GALNTL6: variants seen among roughly 807,000 people sequenced by gnomAD.
GALNTL6 encodes polypeptide N-acetylgalactosaminyltransferase-like 6.
Under a neutral mutation model 73.7 loss-of-function variants are expected in GALNTL6, and 46 were observed. The observed-to-expected ratio is 0.62, with a 90% CI of 0.49 to 0.80. The LOEUF (loss-of-function observed/expected upper bound fraction) is 0.80. Among genes scored for constraint, GALNTL6 ranks in the 30% least tolerant of loss-of-function variants. The pLI is 0.00. For missense variants in GALNTL6, 604 were observed against 755.0 expected, an observed-to-expected ratio of 0.80 and a Z score of 2.34; for synonymous variants, 259 against 263.7, an observed-to-expected ratio of 0.98 and a Z score of 0.17.
chr4:172,722,219 A>G (rs1307181967), intron 5 of GALNTL6, among the ~76,000 whole-genome samples: 3 of 152,172 alleles, frequency 2.0e-5, no homozygotes, highest in Admixed American at 2.0e-4. Flanking sequence ...GTATCCTCAC[A>G]ATACTCTAGC....
At chr4:172,443,603 G>A (rs754436134) in intron 5 of GALNTL6, among the ~76,000 whole-genome samples, 1 of 151,974 alleles carries the variant, frequency 6.6e-6, no homozygotes, top group Non-Finnish European at 1.5e-5. Flanking sequence ...TTATATGTGA[G>A]AGATATGACT....
chr4:172,653,942 G>T (rs1015501916), intron 5 of GALNTL6, among the ~76,000 whole-genome samples: 3 of 152,218 alleles, frequency 2.0e-5, no homozygotes, highest in South Asian at 2.1e-4. Context: ...AACTGTCCTG[G>T]TATTATCTTA....
intron 2 of GALNTL6, among the ~76,000 whole-genome samples, chr4:172,125,193 T>C (rs1383896269): frequency 6.6e-6 from 1 of 152,082 alleles, no homozygotes; most frequent in Non-Finnish European, 1.5e-5. Flanking sequence ...ACTTCTGAGA[T>C]AGAAACTTGA....
intron 5 of GALNTL6, among the ~76,000 whole-genome samples, chr4:172,711,424 A>G (rs777795330): frequency 1.3e-5 from 2 of 152,134 alleles, no homozygotes; most frequent in Non-Finnish European, 2.9e-5. Flanking sequence ...TCTGAGTAAA[A>G]TAGGAAAAGA....
At chr4:172,364,197 A>G (rs1742476834) in intron 5 of GALNTL6, among the ~76,000 whole-genome samples, 1 of 152,170 alleles carries the variant, frequency 6.6e-6, no homozygotes, top group South Asian at 2.1e-4. Flanking sequence ...CAAAGGCAGG[A>G]GGATTTTTTG....
chr4:172,433,193 A>T (rs1207801947), intron 5 of GALNTL6, among the ~76,000 whole-genome samples: 1 of 152,114 alleles, frequency 6.6e-6, no homozygotes, highest in Non-Finnish European at 1.5e-5. Context: ...TGGCTTTTCT[A>T]GACTATTTTG....
intron 5 of GALNTL6, among the ~76,000 whole-genome samples, chr4:172,418,016 A>G (rs56176818): frequency 0.028 from 4,238 of 152,198 alleles, 191 homozygotes; most frequent in African/African-American, 0.095. Flanking sequence ...TCACCCCACT[A>G]AGCGTCATTA....
chr4:172,303,263 G>T (rs191602110), intron 3 of GALNTL6, among the ~76,000 whole-genome samples: 70 of 152,224 alleles, frequency 4.6e-4, no homozygotes, highest in African/African-American at 1.6e-3. Context: ...CTCCCAAAGT[G>T]CTGGGATTAC....
chr4:172,425,172 TA>T (rs1200608349), intron 5 of GALNTL6: 1 of 152,110 alleles, frequency 6.6e-6, no homozygotes, highest in African/African-American at 2.4e-5. Context: ...TCTTTTCTAA[TA>T]ATATATGTGA....
intron 2 of GALNTL6, among the ~76,000 whole-genome samples, chr4:171,984,685 G>A (rs1262836066): frequency 6.6e-6 from 1 of 152,180 alleles, no homozygotes; most frequent in Non-Finnish European, 1.5e-5. Context: ...AGCTAAGTAG[G>A]AAGCAGGGGA....
At chr4:173,036,504 A>G (rs1177803671) in intron 12 of GALNTL6, among the ~76,000 whole-genome samples, 1 of 152,214 alleles carries the variant, frequency 6.6e-6, no homozygotes, top group Non-Finnish European at 1.5e-5. Context: ...GGACCGATCG[A>G]CTGGCATTGA....
intron 3 of GALNTL6, among the ~76,000 whole-genome samples, chr4:172,309,159 G>T (rs1740262429): frequency 6.6e-6 from 1 of 151,944 alleles, no homozygotes; most frequent in Non-Finnish European, 1.5e-5. Flanking sequence ...GATTGGAGAG[G>T]TTTCCAGTCT....
intron 5 of GALNTL6, among the ~76,000 whole-genome samples, chr4:172,430,513 CAT>C (rs1731405276): frequency 6.6e-6 from 1 of 152,056 alleles, no homozygotes; most frequent in African/African-American, 2.4e-5. Context: ...AATTGGTTCA[CAT>C]GTTTTATAAG....
intron 10 of GALNTL6, among the ~76,000 whole-genome samples, chr4:172,974,058 C>T (rs1307306196): frequency 1.3e-5 from 2 of 152,166 alleles, no homozygotes; most frequent in Non-Finnish European, 2.9e-5. Flanking sequence ...ACAAAGTATA[C>T]ACATGCTTTT....
At chr4:172,211,989 G>A (rs1736338350) in intron 2 of GALNTL6, among the ~76,000 whole-genome samples, 1 of 152,038 alleles carries the variant, frequency 6.6e-6, no homozygotes, top group Non-Finnish European at 1.5e-5. Flanking sequence ...CCATAGCAAG[G>A]TGCTTATTTC....
At chr4:172,315,176 T>G (rs1488353485) in intron 4 of GALNTL6, among the ~76,000 whole-genome samples, 2 of 152,234 alleles carry the variant, frequency 1.3e-5, no homozygotes, top group African/African-American at 4.8e-5. Flanking sequence ...TTACAAATTG[T>G]TTCAGCTTCT....
intron 5 of GALNTL6, among the ~76,000 whole-genome samples, chr4:172,401,068 G>A (rs1744017210): frequency 1.3e-5 from 2 of 152,058 alleles, no homozygotes; most frequent in African/African-American, 4.8e-5. Flanking sequence ...ATATTGAAAG[G>A]TGACTGTGCT....
chr4:172,583,806 A>G (rs1737289798), intron 5 of GALNTL6, among the ~76,000 whole-genome samples: 2 of 150,000 alleles, frequency 1.3e-5, no homozygotes, highest in South Asian at 2.1e-4. Context: ...CTGAGGCAGG[A>G]GAAACACTTG....
intron 2 of GALNTL6, among the ~76,000 whole-genome samples, chr4:171,985,644 T>G (rs747627326): frequency 2.0e-5 from 3 of 152,182 alleles, no homozygotes; most frequent in Non-Finnish European, 4.4e-5. Context: ...CATGTTTGAA[T>G]TCCAGGCATT....
Sources: gnomAD v4.1 joint callset for allele counts (sites outside exome capture counted in the v4.1 genomes callset) on GRCh38, gnomAD v4.1.1 for gene constraint, MANE v1.5 for transcripts, NCBI Gene and HGNC (gene_info 2026-07-23, HGNC 2026-07-21) for gene names.